The following USH2A variants were observed in gnomAD, a reference collection of about 807,000 sequenced individuals.
USH2A encodes the protein usherin, also known as Usher syndrome 2A (autosomal recessive, mild).
USH2A carries 443 observed loss-of-function variants against 538.9 expected under a neutral mutation model. The observed-to-expected ratio is 0.82, with a 90% CI of 0.76 to 0.89. The LOEUF (loss-of-function observed/expected upper bound fraction) is 0.89, where lower values mean the gene tolerates loss of function less well. Ranked by LOEUF, USH2A falls within the 40% of genes least tolerant of loss-of-function variation. USH2A has a pLI of 0.00. For synonymous variants in USH2A, 2,413 were observed against 2,273.5 expected, an observed-to-expected ratio of 1.06 and a Z score of -1.75; for missense variants, 6,633 against 6,324.8, an observed-to-expected ratio of 1.05 and a Z score of -1.65.
At chr1:216,203,944 T>G (rs1260699398) in intron 16 of USH2A, 1 of 159,504 alleles carries the variant, frequency 6.3e-6, no homozygotes, top group African/African-American at 2.4e-5. Context: ...CATCTGACTG[T>G]GAATCTGGGG....
At chr1:215,686,744 T>C (rs1431846380) in intron 61 of USH2A, among the ~76,000 whole-genome samples, 1 of 152,008 alleles carries the variant, frequency 6.6e-6, no homozygotes, top group Non-Finnish European at 1.5e-5. Flanking sequence ...AGGAATTAAT[T>C]AATTAACTCA....
chr1:216,172,906 G>A (rs1034610843), intron 21 of USH2A, among the ~76,000 whole-genome samples: 1 of 152,098 alleles, frequency 6.6e-6, no homozygotes, highest in Non-Finnish European at 1.5e-5. Flanking sequence ...GTCTACAAAA[G>A]TTCCTTTCCA....
intron 3 of USH2A, among the ~76,000 whole-genome samples, chr1:216,404,665 A>C (rs2039363203): frequency 7.8e-6 from 1 of 128,106 alleles, no homozygotes; most frequent in African/African-American, 3.0e-5. Flanking sequence ...TCTGTTGCCC[A>C]GGCTGGAGTG....
At chr1:216,120,832 C>T (rs2033123060) in intron 21 of USH2A, among the ~76,000 whole-genome samples, 1 of 151,910 alleles carries the variant, frequency 6.6e-6, no homozygotes, top group African/African-American at 2.4e-5. Flanking sequence ...GTCTGGGCGA[C>T]ACAGTGAGAC....
chr1:216,215,682 G>T (rs2035329541), intron 15 of USH2A, among the ~76,000 whole-genome samples: 2 of 152,038 alleles, frequency 1.3e-5, no homozygotes, highest in African/African-American at 4.8e-5. Context: ...TAAAACAGAA[G>T]CAGCAACAAC....
chr1:215,864,976 T>C (rs1664432942), intron 44 of USH2A, among the ~76,000 whole-genome samples: 3 of 152,180 alleles, frequency 2.0e-5, no homozygotes, highest in Non-Finnish European at 4.4e-5. Flanking sequence ...AGGTGATTTT[T>C]AATAAGCAAA....
intron 3 of USH2A, among the ~76,000 whole-genome samples, chr1:216,382,013 G>C (rs1418980586): frequency 6.6e-6 from 1 of 152,178 alleles, no homozygotes; most frequent in Non-Finnish European, 1.5e-5. Flanking sequence ...CTGTATTCTT[G>C]CAAGAGCTTC....
At chr1:215,868,750 A>G (rs1664548199) in intron 43 of USH2A, among the ~76,000 whole-genome samples, 2 of 152,228 alleles carry the variant, frequency 1.3e-5, no homozygotes, top group Non-Finnish European at 1.5e-5. Context: ...ACACATGGAT[A>G]CACACAGGGA....
At chr1:216,213,282 T>C (rs925905169) in intron 15 of USH2A, among the ~76,000 whole-genome samples, 4 of 152,116 alleles carry the variant, frequency 2.6e-5, no homozygotes, top group African/African-American at 9.7e-5. Context: ...AATCATATCA[T>C]CTACAAGTAA....
chr1:215,888,331 C>T, intron 41 of USH2A, 95 bp downstream of exon 41: 15 of 1,577,302 alleles, frequency 9.5e-6, no homozygotes, highest in Middle Eastern at 2.3e-4. Flanking sequence ...ACAACAAATG[C>T]GTTTGTTTAG....
chr1:216,410,580 A>T lies in USH2A; in HGVS notation c.651+7934T>A, dbSNP rs1039667488. 2.6e-5 allele frequency among the ~76,000 whole-genome samples: 4 copies of T among 152,232 alleles called. No homozygotes were observed. The South Asian group carries it at 8.3e-4, about 32-fold the overall frequency. ...AATGAAGACATAAAGGGATATGGAC[A>T]TCAGAATATTTTTTAAAGTTTCTCA... is the stretch of plus-strand genomic sequence containing the variant. On this transcript the variant is annotated intron_variant, in intron 3 of 71. Transcript: ENST00000307340.
At position 215,628,841 on chromosome 1, in the gene USH2A, T is replaced by C; in HGVS notation, c.15492A>G (p.Glu5164=). Residue 5164 remains glutamate (E), a synonymous_variant, in exon 71 of 72, where the codon GAA becomes GAG. Coordinates refer to ENST00000307340, the MANE Select transcript of USH2A (RefSeq NM_206933.4). ...GTCCACTGTTGTGGCCCATGATGGCTTCCCACAGTGAGTTGTCCATCAAGA... is the reference window on the plus strand; with the variant it reads ...GTCCACTGTTGTGGCCCATGATGGCCTCCCACAGTGAGTTGTCCATCAAGA... The part of the protein sequence containing the change: ...KKVLMDNSLW[E]AIMGHNSGLY... 1.2e-6 allele frequency: 2 copies of C among 1,614,168 alleles called. No individual in the cohort carries two copies. Among genetic ancestry groups the C allele is most frequent in the African/African-American group, 2.7e-5 (2 of 75,056 alleles).
chr1:215,961,489 TA>T (rs1331872534), intron 37 of USH2A, among the ~76,000 whole-genome samples: 1 of 151,520 alleles, frequency 6.6e-6, no homozygotes, highest in Non-Finnish European at 1.5e-5. Context: ...GTTCCATCCT[TA>T]TAAAAACAGC....
intron 49 of USH2A, among the ~76,000 whole-genome samples, chr1:215,807,971 G>T (rs1209341864): frequency 6.6e-6 from 1 of 152,042 alleles, no homozygotes; most frequent in Non-Finnish European, 1.5e-5. Flanking sequence ...TTAATACCCT[G>T]CTAATATTCC....
At chr1:215,732,023 A>C (rs532841515) in intron 60 of USH2A, among the ~76,000 whole-genome samples, 62 of 152,324 alleles carry the variant, frequency 4.1e-4, no homozygotes, top group African/African-American at 1.5e-3. Context: ...AATTCTTATA[A>C]AAATTAAAAC....
Position 216,190,300 on chromosome 1 carries a change from T to C in USH2A, c.4319A>G (p.Tyr1440Cys). ...TVEGLKPYRIYEFTITLCNSV... is the reference protein window; with the variant it reads ...TVEGLKPYRICEFTITLCNSV... ...ATTGCAGAGAGTAATAGTAAACTCA[T>C]ATATCCTATAAGGTTTCAGTCCTTC... The change falls in exon 20 of 72, where the codon TAT becomes TGT. Residue 1440 changes from tyrosine to cysteine, a missense_variant. Tyr to Cys is a radical substitution (Grantham distance 194, BLOSUM62 -2). Transcript: ENST00000307340. 2 of 1,612,588 alleles carry C rather than the reference T, an allele frequency of 1.2e-6. No homozygotes were observed. The highest frequency in any genetic ancestry group is 8.5e-7 in the Non-Finnish European group (1 of 1,179,084).
intron 63 of USH2A, among the ~76,000 whole-genome samples, chr1:215,672,275 A>T (rs1657841149): frequency 6.6e-6 from 1 of 151,754 alleles, no homozygotes; most frequent in Admixed American, 6.6e-5. Context: ...TTTTAGTTCT[A>T]GCCTTTTCCT....
chr1:216,412,870 C>A lies in USH2A; in HGVS notation c.651+5644G>T, dbSNP rs1251486129. Among the ~76,000 whole-genome samples the A allele has an allele frequency of 2.6e-5, 4 of 151,966 alleles. No homozygotes were observed. The South Asian group carries it at 8.3e-4, about 32-fold the overall frequency. On this transcript the variant is annotated intron_variant, in intron 3 of 71. Coordinates refer to ENST00000307340, the MANE Select transcript of USH2A (RefSeq NM_206933.4). ...TTTCCTAAGGCTAATTTTTTAAAAT[C>A]TCTGTCATGGAGATAATATAAGTCA...
intron 38 of USH2A, among the ~76,000 whole-genome samples, chr1:215,925,038 C>T (rs1430833196): frequency 2.0e-5 from 3 of 151,912 alleles, no homozygotes; most frequent in Non-Finnish European, 4.4e-5. Context: ...ATGGTGAATA[C>T]AAAAAGTGAA....
Sources: gnomAD v4.1 joint callset for allele counts (sites outside exome capture counted in the v4.1 genomes callset) on GRCh38, gnomAD v4.1.1 for gene constraint, MANE v1.5 for transcripts, NCBI Gene and HGNC (gene_info 2026-07-23, HGNC 2026-07-21) for gene names.